DOCK11: variants seen among roughly 807,000 people sequenced by gnomAD.
DOCK11 encodes the protein dedicator of cytokinesis protein 11.
In DOCK11, 70 loss-of-function variants were observed where a neutral mutation model predicts 169.1. That is an observed-to-expected ratio of 0.41 (90% confidence interval 0.34 to 0.51). DOCK11 has a LOEUF of 0.51. Among genes scored for constraint, DOCK11 ranks in the 20% least tolerant of loss-of-function variants. The pLI is 0.10. For missense variants in DOCK11, 1,166 were observed against 1,538.8 expected, an observed-to-expected ratio of 0.76 and a Z score of 4.05; for synonymous variants, 529 against 541.3, an observed-to-expected ratio of 0.98 and a Z score of 0.32.
chrX:118,628,279 A>T lies in DOCK11; in HGVS notation c.3774+7A>T. ...GGGCAACACTGGTGAAAATGTAAGA[A>T]CTTAAATATATAGGATGACCCTAGT... On this transcript the variant is annotated splice_region_variant and intron_variant, in intron 34 of 52. Coordinates refer to ENST00000276202, the MANE Select transcript of DOCK11 (RefSeq NM_144658.4). 1 of 1,131,241 alleles carries T rather than the reference A, an allele frequency of 8.8e-7. No individual in the cohort carries two copies. The highest frequency in any genetic ancestry group is 1.2e-6 in the Non-Finnish European group (1 of 827,187). 93.2% of individuals were successfully genotyped at this position (1,131,241 alleles called of 1,213,427 possible). A position where few individuals can be genotyped will look rare whatever the true frequency, so the allele number is the denominator to read the frequency against.
At chrX:118,512,625 T>A (rs1397271188) in intron 1 of DOCK11, among the ~76,000 whole-genome samples, 2 of 111,906 alleles carry the variant, frequency 1.8e-5, no homozygotes, top group African/African-American at 6.5e-5. Context: ...GGGAAACTCA[T>A]TCTCCAACTT....
At chrX:118,524,684 C>G (rs1240511607) in intron 1 of DOCK11, among the ~76,000 whole-genome samples, 2 of 111,369 alleles carry the variant, frequency 1.8e-5, no homozygotes, top group Middle Eastern at 8.4e-3. Flanking sequence ...CAACGAGATA[C>G]CACCTCACAC....
At chrX:118,632,969 T>TGGGGGGGGGGGGGGGGG (rs766019635) in intron 35 of DOCK11, 2 of 35,824 alleles carry the variant, frequency 5.6e-5, no homozygotes, top group Admixed American at 3.6e-4. Flanking sequence ...TGGGGGGCGG[T>TGGGGGGGGGGGGGGGGG]GGGGGGGGGG....
At chrX:118,623,455 C>G (rs987290994) in intron 31 of DOCK11, among the ~76,000 whole-genome samples, 1 of 112,339 alleles carries the variant, frequency 8.9e-6, no homozygotes, top group Admixed American at 9.4e-5. Flanking sequence ...CATGTAAGGG[C>G]CATTCATTCC....
At chrX:118,578,384 A>T in intron 12 of DOCK11, 141 bp from the exon 13 acceptor site, 1 of 679,712 alleles carries the variant, frequency 1.5e-6, no homozygotes, top group Non-Finnish European at 2.2e-6. Flanking sequence ...AAACTCTATG[A>T]AAGGAAATTC....
Position 118,593,258 on chromosome X carries a change from G to A in DOCK11, c.2184G>A (p.Leu728=). Residue 728 remains leucine, a synonymous_variant, in exon 20 of 53, where the codon TTG becomes TTA. Coordinates refer to ENST00000276202, the MANE Select transcript of DOCK11 (RefSeq NM_144658.4). ...TTCACCTACATCAAAAACATCATTT[G>A]CTTTTCACTTTTTATCATGTAAGTT... The part of the protein sequence containing the change: ...LPIHLHQKHH[L]LFTFYHVSCE... The A allele has an allele frequency of 8.3e-7, 1 of 1,204,959 alleles. No individual in the cohort carries two copies. Among genetic ancestry groups the A allele is most frequent in the Non-Finnish European group, 1.1e-6 (1 of 892,404 alleles).
intron 16 of DOCK11, among the ~76,000 whole-genome samples, chrX:118,587,474 C>T (rs5910382): frequency 0.038 from 4,250 of 111,496 alleles, 161 homozygotes; most frequent in East Asian, 0.11. Flanking sequence ...TCCAACTCTC[C>T]CTGGGTCTTC....
chrX:118,530,924 A>C (rs753187812), intron 1 of DOCK11, among the ~76,000 whole-genome samples: 2 of 111,853 alleles, frequency 1.8e-5, no homozygotes, highest in Non-Finnish European at 3.8e-5. Context: ...TATGTTTTCT[A>C]TTTCTGTTTA....
chrX:118,512,062 C>T lies in DOCK11; in HGVS notation c.102+15989C>T, dbSNP rs569503187. ...CCGAGTAGCTGGGACTACAGGCGCA[C>T]GCCGCCATGCGTGTATTTTAGTAAA... On this transcript the variant is annotated intron_variant, in intron 1 of 52. Coordinates refer to ENST00000276202, the MANE Select transcript of DOCK11 (RefSeq NM_144658.4). Among the ~76,000 whole-genome samples the T allele has an allele frequency of 1.2e-4, 13 of 111,882 alleles. No individual in the cohort carries two copies. In the South Asian group the frequency reaches 3.8e-3, roughly 32 times the overall value.
At chrX:118,675,443 T>C (rs2016585707) in intron 46 of DOCK11, among the ~76,000 whole-genome samples, 1 of 111,112 alleles carries the variant, frequency 9.0e-6, no homozygotes, top group Non-Finnish European at 1.9e-5. Context: ...GTGAATGAAA[T>C]GAAGCATGAT....
At chrX:118,561,806 A>T (rs1005740714) in intron 7 of DOCK11, among the ~76,000 whole-genome samples, 1 of 111,203 alleles carries the variant, frequency 9.0e-6, no homozygotes, top group African/African-American at 3.3e-5. Flanking sequence ...TTGAAGCTGC[A>T]GTGAGCTGTG....
chrX:118,516,714 C>T (rs762643558), intron 1 of DOCK11, among the ~76,000 whole-genome samples: 1 of 112,021 alleles, frequency 8.9e-6, no homozygotes, highest in Non-Finnish European at 1.9e-5. Context: ...GGATTACAGA[C>T]GTGAGCCACC....
chrX:118,537,431 G>A (rs1278444570), intron 1 of DOCK11, among the ~76,000 whole-genome samples: 3 of 111,552 alleles, frequency 2.7e-5, no homozygotes, highest in Admixed American at 9.6e-5. Context: ...AAGATTTACC[G>A]GTAAACTAAT....
In DOCK11 at chrX:118,574,236, T is replaced by G. The variant is rs1197116016; in HGVS notation, c.1389+218T>G. On this transcript the variant is annotated intron_variant, in intron 12 of 52. Transcript: ENST00000276202. ...CAAAGGAACATTTTTAATGGGACCA[T>G]GATGTGAGACACAAGGGAATTATTT... is the stretch of plus-strand genomic sequence containing the variant. 2.7e-5 allele frequency among the ~76,000 whole-genome samples: 3 copies of G among 111,733 alleles called. No individual in the cohort carries two copies. In the East Asian group the frequency reaches 8.4e-4, roughly 31 times the overall value.
Position 118,685,756 on chromosome X carries a change from T to C in DOCK11, c.6171T>C (p.Ser2057=). The C allele has an allele frequency of 2.5e-6, 3 of 1,211,672 alleles. No individual in the cohort carries two copies. Among genetic ancestry groups the C allele is most frequent in the Non-Finnish European group, 3.4e-6 (3 of 895,262 alleles). Residue 2057 remains serine, a synonymous_variant, in exon 53 of 53, where the codon AGT becomes AGC. Coordinates refer to ENST00000276202, the MANE Select transcript of DOCK11 (RefSeq NM_144658.4). ...CATTACATGTATTTTGTGCAATTAG[T>C]GGTACATCAAGTGACCGAGGTTATG... is the stretch of plus-strand genomic sequence containing the variant. ...SNTLHVFCAI[S]GTSSDRGYGS...
chrX:118,652,843 T>C (rs1395308660), intron 42 of DOCK11, among the ~76,000 whole-genome samples: 5 of 112,412 alleles, frequency 4.4e-5, no homozygotes, highest in Non-Finnish European at 7.5e-5. Context: ...TTTGACAACA[T>C]TGTGTAAAAT....
At chrX:118,513,513 G>A (rs1313926470) in intron 1 of DOCK11, among the ~76,000 whole-genome samples, 1 of 112,201 alleles carries the variant, frequency 8.9e-6, no homozygotes, top group Admixed American at 9.5e-5. Flanking sequence ...TACTCGGGAG[G>A]CTGAAGCAGG....
In DOCK11 at chrX:118,609,306, C is replaced by T. The variant is rs757280054; in HGVS notation, c.2906C>T (p.Ala969Val). Residue 969 changes from alanine (A) to valine (V), a missense_variant, in exon 27 of 53, where the codon GCA becomes GTA. Physicochemically the swap from Ala to Val is moderately conservative, Grantham distance 64. Coordinates refer to ENST00000276202, the MANE Select transcript of DOCK11 (RefSeq NM_144658.4). ...TCATGGTTTTTCTTTGAAATAATTG[C>T]AAAGTCAATGGCCACATACTTGTTG... ...KYSWFFFEII[A>V]KSMATYLLEE... 12 of 1,196,347 alleles carry T rather than the reference C, an allele frequency of 1.0e-5. No individual in the cohort carries two copies. The highest frequency in any genetic ancestry group is 1.4e-5 in the Non-Finnish European group (12 of 886,588).
intron 33 of DOCK11, 27 bp downstream of exon 33, chrX:118,627,606 A>C: frequency 9.2e-7 from 1 of 1,086,467 alleles, no homozygotes; most frequent in Non-Finnish European, 1.3e-6. Flanking sequence ...GAGATGATAC[A>C]TTGCGTGGGT....
Sources: allele counts gnomAD v4.1 joint callset (sites outside exome capture counted in the v4.1 genomes callset), GRCh38; gene constraint gnomAD v4.1.1; transcripts MANE v1.5; gene names NCBI Gene and HGNC (gene_info 2026-07-23, HGNC 2026-07-21).